The following PKNOX2 variants were observed in gnomAD, a reference collection of about 807,000 sequenced individuals.
The protein encoded by PKNOX2 is PBX/knotted 1 homeobox 2.
In PKNOX2, 14 loss-of-function variants were observed where a neutral mutation model predicts 53.1. The observed-to-expected ratio is 0.26, with a 90% CI of 0.17 to 0.41. The LOEUF (loss-of-function observed/expected upper bound fraction) is 0.41, where lower values mean the gene tolerates loss of function less well. PKNOX2 is among the 10% of genes least tolerant of loss of function. The probability of loss-of-function intolerance (pLI) is 1.00; values close to 1 mark genes in which losing one functional copy is unlikely to be tolerated. For synonymous variants in PKNOX2, 257 were observed against 242.8 expected (o/e 1.06, Z -0.54); for missense variants, 496 against 602.8 (o/e 0.82, Z 1.85).
intron 2 of PKNOX2, among the ~76,000 whole-genome samples, chr11:125,298,875 C>T (rs59531007): frequency 0.039 from 6,002 of 152,270 alleles, 383 homozygotes; most frequent in African/African-American, 0.13. Flanking sequence ...CATTGGTTAT[C>T]ATGTCAGGAG....
At chr11:125,386,713 A>AACACACACACACACACACACACACACAC (rs3138544) in intron 6 of PKNOX2, among the ~76,000 whole-genome samples, 113 of 141,116 alleles carry the variant, frequency 8.0e-4, no homozygotes, top group African/African-American at 2.6e-3. Context: ...GAAGAAAAAG[A>AACACACACACACACACACACACACACAC]ACACACACAC....
Position 125,186,248 on chromosome 11 carries a change from TTTG to T in PKNOX2, c.-201+21479_-201+21481del, listed in dbSNP as rs563622261. On this transcript the variant is annotated intron_variant, in intron 1 of 12. Coordinates refer to ENST00000298282, the MANE Select transcript of PKNOX2 (RefSeq NM_001382323.2). ...ATTTTTAAATTGGGTTGTTTATGTT[TTTG>T]TTGTTGAATTGTAGGACTTCGTTAT... 1.1e-3 allele frequency among the ~76,000 whole-genome samples: 165 copies of T among 152,344 alleles called. 1 individual carries two copies. The highest frequency in any genetic ancestry group is 3.8e-3 in the African/African-American group (157 of 41,578).
Position 125,258,931 on chromosome 11 carries a change from C to A in PKNOX2, c.-130+23816C>A, listed in dbSNP as rs74904708. The A allele has an allele frequency of 7.8e-4, 258 of 329,232 alleles. 3 individuals are homozygous for A. The East Asian group carries it at 0.021, about 26-fold the overall frequency. 20.4% of individuals were successfully genotyped at this position (329,232 alleles called of 1,614,324 possible). The stretch of plus-strand genomic sequence containing the variant: ...GCCTCAGCTCCAACAGTGACAGAAG[C>A]CGTGAAAACAGCAAACCCTAGTTCA... On this transcript the variant is annotated intron_variant, in intron 2 of 12. Transcript: ENST00000298282.
At chr11:125,390,176 T>C (rs778492844) in intron 6 of PKNOX2, among the ~76,000 whole-genome samples, 13 of 152,230 alleles carry the variant, frequency 8.5e-5, no homozygotes, top group South Asian at 2.1e-4. Flanking sequence ...AGGTGCCGGG[T>C]ACCGTTCCAA....
At chr11:125,277,691 C>A (rs1437499299) in intron 2 of PKNOX2, 6 of 151,972 alleles carry the variant, frequency 3.9e-5, no homozygotes, top group African/African-American at 1.5e-4. Context: ...GGAATAAGTT[C>A]TAGTGTTCAA....
At chr11:125,396,691 T>C (rs750354588) in intron 6 of PKNOX2, among the ~76,000 whole-genome samples, 5 of 152,104 alleles carry the variant, frequency 3.3e-5, no homozygotes. Context: ...ACTGGTTAAG[T>C]ATGGCACACA....
At chr11:125,335,859 GC>G (rs1565499842) in intron 3 of PKNOX2, among the ~76,000 whole-genome samples, 1 of 152,010 alleles carries the variant, frequency 6.6e-6, no homozygotes, top group African/African-American at 2.4e-5. Flanking sequence ...CATGCATCTT[GC>G]AAAGGGAAGA....
At chr11:125,189,016 T>G (rs965861235) in intron 1 of PKNOX2, among the ~76,000 whole-genome samples, 2 of 152,098 alleles carry the variant, frequency 1.3e-5, no homozygotes, top group Non-Finnish European at 2.9e-5. Context: ...GATGGTCTGA[T>G]GGAAGACACC....
chr11:125,200,390 T>G (rs1399005153), intron 1 of PKNOX2, among the ~76,000 whole-genome samples: 1 of 152,200 alleles, frequency 6.6e-6, no homozygotes, highest in Non-Finnish European at 1.5e-5. Flanking sequence ...TTCACCAAGT[T>G]TCTGCCGTCA....
intron 2 of PKNOX2, among the ~76,000 whole-genome samples, chr11:125,242,341 C>T (rs970617396): frequency 6.6e-6 from 1 of 152,174 alleles, no homozygotes; most frequent in Non-Finnish European, 1.5e-5. Flanking sequence ...AGTCTCCCCT[C>T]TTCATACCCC....
intron 1 of PKNOX2, among the ~76,000 whole-genome samples, chr11:125,188,594 C>T (rs985836232): frequency 6.6e-6 from 1 of 152,130 alleles, no homozygotes; most frequent in Non-Finnish European, 1.5e-5. Context: ...GGATTGGGAG[C>T]AAATTGTTTG....
At chr11:125,342,118 T>A (rs780018625) in intron 3 of PKNOX2, among the ~76,000 whole-genome samples, 6 of 151,406 alleles carry the variant, frequency 4.0e-5, no homozygotes, top group Non-Finnish European at 7.4e-5. Context: ...TTTTCAATGA[T>A]AAATTGAATG....
At chr11:125,177,437 C>T (rs992117379) in intron 1 of PKNOX2, among the ~76,000 whole-genome samples, 9 of 152,198 alleles carry the variant, frequency 5.9e-5, no homozygotes, top group Admixed American at 5.9e-4. Flanking sequence ...CAAAATGTAC[C>T]TGCTTTGGGG....
At chr11:125,371,560 G>C (rs780506340) in intron 5 of PKNOX2, among the ~76,000 whole-genome samples, 1 of 152,070 alleles carries the variant, frequency 6.6e-6, no homozygotes, top group Non-Finnish European at 1.5e-5. Context: ...AGTCTCCTTC[G>C]TTCCCCTTTG....
In PKNOX2 at chr11:125,280,102, C is replaced by CT. The variant is rs35541174; in HGVS notation, c.-130+45004dup. 8.0e-3 allele frequency among the ~76,000 whole-genome samples: 1,063 copies of CT among 133,164 alleles called. 11 individuals are homozygous for CT. Among genetic ancestry groups the CT allele is most frequent in the African/African-American group, 0.02 (754 of 37,074 alleles). The allele number at this position is 133,164 out of a possible 152,430, so 87.4% of individuals were successfully genotyped here. A position where few individuals can be genotyped will look rare whatever the true frequency, so the allele number is the denominator to read the frequency against. ...AGTCCCTGATAAAGGATTTTTTTTC[C>CT]TTTTTTTTTTTTTTTTTAACCAGCA... On this transcript the variant is annotated intron_variant, in intron 2 of 12. Coordinates refer to ENST00000298282, the MANE Select transcript of PKNOX2 (RefSeq NM_001382323.2).
At chr11:125,366,125 G>C (rs920721458) in intron 4 of PKNOX2, among the ~76,000 whole-genome samples, 3 of 152,182 alleles carry the variant, frequency 2.0e-5, no homozygotes, top group Non-Finnish European at 4.4e-5. Context: ...TAATACTCAT[G>C]TATTCCAAAA....
At chr11:125,343,773 A>G (rs1005797070) in intron 3 of PKNOX2, among the ~76,000 whole-genome samples, 5 of 152,192 alleles carry the variant, frequency 3.3e-5, no homozygotes, top group African/African-American at 1.2e-4. Context: ...AGGCGGGAGC[A>G]AGACCACGAA....
chr11:125,229,748 TAGCA>T (rs1942039612), intron 1 of PKNOX2, among the ~76,000 whole-genome samples: 1 of 152,138 alleles, frequency 6.6e-6, no homozygotes, highest in African/African-American at 2.4e-5. Context: ...CTTGGTGTTT[TAGCA>T]CTACAGAGGA....
intron 2 of PKNOX2, among the ~76,000 whole-genome samples, chr11:125,300,253 T>A (rs1453417896): frequency 2.6e-5 from 4 of 152,222 alleles, no homozygotes; most frequent in Non-Finnish European, 5.9e-5. Flanking sequence ...ATCTCTGTTT[T>A]GACCCCTCCC....
Sources: gnomAD v4.1 joint callset for allele counts (sites outside exome capture counted in the v4.1 genomes callset) on GRCh38, gnomAD v4.1.1 for gene constraint, MANE v1.5 for transcripts, NCBI Gene and HGNC (gene_info 2026-07-23, HGNC 2026-07-21) for gene names.